Variants in LAMB1 observed in about 807,000 individuals in gnomAD.
The protein encoded by LAMB1 is laminin subunit beta 1, also known as laminin subunit beta-1.
A neutral mutation model predicts 222.3 loss-of-function variants in LAMB1; 121 were observed. That is an observed-to-expected ratio of 0.54 (90% CI 0.47 to 0.63). LAMB1 has a LOEUF of 0.63. LAMB1 is among the 30% of genes least tolerant of loss of function. LAMB1 has a pLI of 0.00. For synonymous variants in LAMB1, 794 were observed against 807.2 expected (o/e 0.98, Z 0.28); for missense variants, 2,172 against 2,240.8 (o/e 0.97, Z 0.62).
intron 24 of LAMB1, among the ~76,000 whole-genome samples, chr7:107,945,909 T>G (rs912039161): frequency 8.5e-5 from 13 of 152,214 alleles, no homozygotes; most frequent in African/African-American, 3.1e-4. Flanking sequence ...ACTGAAAAGT[T>G]TGTGCCACTT....
rs1250459295 is a variant in LAMB1, at chr7:107,998,396, C to T, written c.310G>A (p.Ala104Thr). 1 of 1,613,902 alleles carries T rather than the reference C, an allele frequency of 6.2e-7. No individual in the cohort carries two copies. The highest frequency in any genetic ancestry group is 8.5e-7 in the Non-Finnish European group (1 of 1,179,970). Residue 104 changes from alanine (A) to threonine (T), a missense_variant, in exon 4 of 34, where the codon GCT becomes ACT. Physicochemically the swap from Ala to Thr is moderately conservative, Grantham distance 58. Coordinates refer to ENST00000222399, the MANE Select transcript of LAMB1 (RefSeq NM_002291.3). ...HLIENVVTTF[A>T]PNRLKIWWQS... ...CACCAAATCTTAAGGCGGTTTGGAG[C>T]AAATGTAGTGACCACATTTTCAATG...
chr7:107,961,459 G>T, intron 16 of LAMB1, 90 bp downstream of exon 16: 1 of 1,578,998 alleles, frequency 6.3e-7, no homozygotes, highest in Middle Eastern at 1.7e-4. Context: ...GTCTGGCTCT[G>T]AAATGGTGAC....
intron 32 of LAMB1, 140 bp downstream of exon 32, chr7:107,926,043 G>A (rs10232049): frequency 4.9e-6 from 3 of 616,040 alleles, no homozygotes; most frequent in Non-Finnish European, 5.7e-6. Context: ...TTCTAAAGAC[G>A]GCTGTTGCAA....
chr7:107,980,513 C>T, intron 8 of LAMB1, 96 bp downstream of exon 8: 1 of 1,007,972 alleles, frequency 9.9e-7, no homozygotes, highest in Non-Finnish European at 1.5e-6. Flanking sequence ...AACTAAAACC[C>T]CCAGAAAATG....
intron 8 of LAMB1, among the ~76,000 whole-genome samples, chr7:107,979,295 G>T (rs1309053223): frequency 6.6e-6 from 1 of 152,232 alleles, no homozygotes; most frequent in Non-Finnish European, 1.5e-5. Flanking sequence ...TCTAACTGGA[G>T]TAAAGGGAAG....
chr7:107,931,604 G>T (rs1584484217), intron 28 of LAMB1, 104 bp from the exon 29 acceptor site: 3 of 1,070,958 alleles, frequency 2.8e-6, no homozygotes, highest in East Asian at 4.7e-5. Flanking sequence ...CTATGTACTT[G>T]GAATCATATG....
chr7:107,952,226 G>A lies in LAMB1; in HGVS notation c.3080-3C>T. On this transcript the variant is annotated splice_region_variant and splice_polypyrimidine_tract_variant and intron_variant, in intron 22 of 33. Coordinates refer to ENST00000222399, the MANE Select transcript of LAMB1 (RefSeq NM_002291.3). Reference sequence around the variant, plus strand: ...GCCCAGGTAATTACAGACACACTCTGCAAAAGAACATCACATTTACTTATT... The same window carrying A: ...GCCCAGGTAATTACAGACACACTCTACAAAAGAACATCACATTTACTTATT... 1 of 1,589,012 alleles carries A rather than the reference G, an allele frequency of 6.3e-7. No homozygotes were observed. Among genetic ancestry groups the A allele is most frequent in the Non-Finnish European group, 8.6e-7 (1 of 1,160,330 alleles).
chr7:107,952,284 T>C (rs2033274926), intron 22 of LAMB1, 61 bp from the exon 23 acceptor site: 18 of 1,265,518 alleles, frequency 1.4e-5, no homozygotes, highest in Non-Finnish European at 1.9e-5. Flanking sequence ...CATGCGGATG[T>C]TAGCCACATC....
intron 3 of LAMB1, among the ~76,000 whole-genome samples, chr7:107,999,158 C>T (rs2150456488): frequency 6.6e-6 from 1 of 152,304 alleles, no homozygotes; most frequent in Middle Eastern, 3.4e-3. Context: ...CCAACATGGG[C>T]ATGAACTAGG....
Position 108,002,879 on chromosome 7 carries a change from G to GC in LAMB1, c.6dup (p.Leu3AlafsTer85). The GC allele has an allele frequency of 6.2e-7, 1 of 1,614,138 alleles. No individual in the cohort carries two copies. Among genetic ancestry groups the GC allele is most frequent in the Non-Finnish European group, 8.5e-7 (1 of 1,180,032 alleles). Reference sequence around the variant, plus strand: ...AAACTGAAAGCTAGCAACTGGAGAAGCCCCATGCCGGCTCCCTGCAGCCAC... The same window carrying GC: ...AAACTGAAAGCTAGCAACTGGAGAAGCCCCCATGCCGGCTCCCTGCAGCCAC... On this transcript the variant is annotated frameshift_variant, in exon 2 of 34. Coordinates refer to ENST00000222399, the MANE Select transcript of LAMB1 (RefSeq NM_002291.3). LOFTEE classifies it high-confidence loss of function.
chr7:107,996,692 T>C (rs966695616), intron 4 of LAMB1, among the ~76,000 whole-genome samples: 8 of 152,216 alleles, frequency 5.3e-5, no homozygotes, highest in African/African-American at 1.9e-4. Context: ...TGGTCTCTTT[T>C]GTCCCAGAGA....
intron 7 of LAMB1, among the ~76,000 whole-genome samples, chr7:107,985,657 A>AAACG (rs2034061254): frequency 6.7e-6 from 1 of 148,468 alleles, no homozygotes; most frequent in South Asian, 2.2e-4. Flanking sequence ...CAAAACAAAC[A>AAACG]AACAAAAAAT....
chr7:107,950,961 T>C (rs907627619), intron 24 of LAMB1: 28 of 357,322 alleles, frequency 7.8e-5, no homozygotes, highest in Non-Finnish European at 8.8e-5. Context: ...TGTGTGTGTG[T>C]GCTTACACAC....
At chr7:107,981,988 T>C (rs923689491) in intron 7 of LAMB1, among the ~76,000 whole-genome samples, 4 of 152,350 alleles carry the variant, frequency 2.6e-5, no homozygotes, top group Non-Finnish European at 4.4e-5. Context: ...CGTTTCTCAA[T>C]ATTATATAGT....
intron 5 of LAMB1, among the ~76,000 whole-genome samples, chr7:107,993,389 C>G (rs2034222719): frequency 6.6e-6 from 1 of 152,202 alleles, no homozygotes; most frequent in Admixed American, 6.5e-5. Flanking sequence ...CCGCCTTGGC[C>G]TCCCAAAGTG....
chr7:107,928,936 T>G, intron 31 of LAMB1, 128 bp downstream of exon 31: 166 of 891,280 alleles, frequency 1.9e-4, no homozygotes, highest in Non-Finnish European at 1.7e-4. Flanking sequence ...ACGGAGTAGT[T>G]TAGATTTATT....
At position 107,929,178 on chromosome 7, in the gene LAMB1, A is replaced by C. The variant is rs747241605; in HGVS notation, c.4773T>G (p.Thr1591=). The C allele has an allele frequency of 5.6e-6, 9 of 1,613,926 alleles. No individual in the cohort carries two copies. In the African/African-American group the frequency reaches 1.2e-4, roughly 22 times the overall value. ...ASKSATDVKV[T]ADMVKEALEE... Reference sequence around the variant, plus strand: ...CCAGAGCTTCCTTTACCATATCTGCAGTGACTTTAACATCTGTTGCACTTT... The same window carrying C: ...CCAGAGCTTCCTTTACCATATCTGCCGTGACTTTAACATCTGTTGCACTTT... The change falls in exon 31 of 34, where the codon ACT becomes ACG. Residue 1591 remains threonine, a synonymous_variant. Coordinates refer to ENST00000222399, the MANE Select transcript of LAMB1 (RefSeq NM_002291.3).
In LAMB1 at chr7:107,935,347, G is replaced by GTTTTTTTTTTTTTTT. The variant is rs200599445; in HGVS notation, c.4188+53_4188+67dup. Reference sequence around the variant, plus strand: ...GACAAAAGATGGTTTGTTTTTCTTTGTTTTTTTTTTTTTTTTTTTTTTTTT... The same window carrying GTTTTTTTTTTTTTTT: ...GACAAAAGATGGTTTGTTTTTCTTTGTTTTTTTTTTTTTTTTTTTTTTTTTTTTTTTTTTTTTTTT... On this transcript the variant is annotated intron_variant, in intron 27 of 33. Coordinates refer to ENST00000222399, the MANE Select transcript of LAMB1 (RefSeq NM_002291.3). 224 of 1,173,240 alleles carry GTTTTTTTTTTTTTTT rather than the reference G, an allele frequency of 1.9e-4. 28 individuals carry two copies. Among genetic ancestry groups the GTTTTTTTTTTTTTTT allele is most frequent in the African/African-American group, 7.9e-4 (33 of 41,520 alleles). 72.7% of individuals were successfully genotyped at this position (1,173,240 alleles called of 1,614,324 possible). A position where few individuals can be genotyped will look rare whatever the true frequency, so the allele number is the denominator to read the frequency against.
intron 20 of LAMB1, among the ~76,000 whole-genome samples, chr7:107,957,110 C>T (rs542711031): frequency 6.6e-6 from 1 of 152,180 alleles, no homozygotes; most frequent in Non-Finnish European, 1.5e-5. Context: ...GATATTCCGG[C>T]CAGGTGCGGT....
Sources: gnomAD v4.1 joint callset for allele counts (sites outside exome capture counted in the v4.1 genomes callset) on GRCh38, gnomAD v4.1.1 for gene constraint, MANE v1.5 for transcripts, NCBI Gene and HGNC (gene_info 2026-07-23, HGNC 2026-07-21) for gene names.